ARHGAP42: variants seen among roughly 807,000 people sequenced by gnomAD.
The protein encoded by ARHGAP42 is Rho GTPase activating protein 42.
ARHGAP42 carries 63 observed loss-of-function variants against 125.0 expected under a neutral mutation model. That is an observed-to-expected ratio of 0.50 (90% CI 0.41 to 0.62). The LOEUF (loss-of-function observed/expected upper bound fraction) is 0.62. ARHGAP42 is among the 20% of genes least tolerant of loss of function. The pLI is 0.00. For missense variants in ARHGAP42, 766 were observed against 1,024.2 expected, an observed-to-expected ratio of 0.75 and a Z score of 3.44; for synonymous variants, 339 against 351.0, an observed-to-expected ratio of 0.97 and a Z score of 0.38.
At chr11:100,833,218 A>G (rs11224479) in intron 3 of ARHGAP42, among the ~76,000 whole-genome samples, 46,996 of 152,094 alleles carry the variant, frequency 0.31, 7,493 homozygotes, top group Non-Finnish European at 0.34. Flanking sequence ...AATAGGACCA[A>G]TTTGTTGCCT....
At chr11:100,936,045 C>A (rs1026646356) in intron 7 of ARHGAP42, among the ~76,000 whole-genome samples, 158 bp from the exon 8 acceptor site, 1 of 151,996 alleles carries the variant, frequency 6.6e-6, no homozygotes, top group African/African-American at 2.4e-5. Flanking sequence ...ATCACTTGTG[C>A]CCTGGAGGTC....
chr11:100,872,832 T>C (rs558299734), intron 4 of ARHGAP42, among the ~76,000 whole-genome samples: 46 of 152,318 alleles, frequency 3.0e-4, no homozygotes, highest in African/African-American at 1.0e-3. Context: ...TTCAATGGTG[T>C]TGATCTGTTT....
chr11:100,856,171 A>G (rs1246043695), intron 3 of ARHGAP42, among the ~76,000 whole-genome samples: 1 of 152,086 alleles, frequency 6.6e-6, no homozygotes, highest in Non-Finnish European at 1.5e-5. Context: ...AGAGTTCCAT[A>G]TGAGCAAAAA....
At chr11:100,800,896 G>A (rs1272212190) in intron 3 of ARHGAP42, among the ~76,000 whole-genome samples, 5 of 152,110 alleles carry the variant, frequency 3.3e-5, no homozygotes, top group Admixed American at 1.3e-4. Flanking sequence ...AGTCACATAA[G>A]TTAACACTTC....
At chr11:100,703,583 G>A (rs1458984723) in intron 1 of ARHGAP42, among the ~76,000 whole-genome samples, 4 of 152,110 alleles carry the variant, frequency 2.6e-5, no homozygotes, top group African/African-American at 9.7e-5. Context: ...CTGCTTAATA[G>A]GAAATGATTA....
chr11:100,853,801 C>A (rs1272860997), intron 3 of ARHGAP42, among the ~76,000 whole-genome samples: 2 of 151,824 alleles, frequency 1.3e-5, no homozygotes, highest in African/African-American at 4.8e-5. Context: ...GGATTGCTTG[C>A]CATTTTACCC....
chr11:100,800,912 T>C (rs1317014311), intron 3 of ARHGAP42, among the ~76,000 whole-genome samples: 2 of 152,226 alleles, frequency 1.3e-5, no homozygotes, highest in African/African-American at 4.8e-5. Flanking sequence ...ACTTCAGTCA[T>C]ATGATGTTAT....
intron 3 of ARHGAP42, among the ~76,000 whole-genome samples, chr11:100,821,730 T>A (rs1864410135): frequency 2.0e-5 from 3 of 152,284 alleles, no homozygotes; most frequent in South Asian, 4.1e-4. Flanking sequence ...TTCACTATCT[T>A]TTCTGCTTTG....
chr11:100,717,923 T>TTAA (rs58895541), intron 1 of ARHGAP42, among the ~76,000 whole-genome samples: 1 of 140,910 alleles, frequency 7.1e-6, no homozygotes, highest in Admixed American at 7.2e-5. Context: ...GACTCTGCCT[T>TTAA]AAAAAAAAAA....
At chr11:100,885,537 A>G (rs1269908115) in intron 4 of ARHGAP42, among the ~76,000 whole-genome samples, 4 of 152,096 alleles carry the variant, frequency 2.6e-5, no homozygotes, top group Non-Finnish European at 5.9e-5. Context: ...AAAACCAATT[A>G]TTTGCTTTTG....
rs140401845 is a variant in ARHGAP42 at position 100,967,119 on chromosome 11, C to G, written c.1550+1343C>G. ...CAAATTTACTTATAAAAACAGCAAACAGCTAATAACACTCTTGATCCCTGG... is the reference window on the plus strand; with the variant it reads ...CAAATTTACTTATAAAAACAGCAAAGAGCTAATAACACTCTTGATCCCTGG... On this transcript the variant is annotated intron_variant, in intron 17 of 23. Coordinates refer to ENST00000298815, the MANE Select transcript of ARHGAP42 (RefSeq NM_152432.4). Among the ~76,000 whole-genome samples the G allele has an allele frequency of 5.3e-3, 808 of 152,258 alleles. 4 individuals carry two copies. The highest frequency in any genetic ancestry group is 0.018 in the African/African-American group (744 of 41,556).
At chr11:100,720,071 TTAGATTATAGGC>T (rs1861734402) in intron 1 of ARHGAP42, among the ~76,000 whole-genome samples, 1 of 152,198 alleles carries the variant, frequency 6.6e-6, no homozygotes, top group African/African-American at 2.4e-5. Context: ...GATCACTAGG[TTAGATTATAGGC>T]TAGATAATTA....
intron 1 of ARHGAP42, among the ~76,000 whole-genome samples, chr11:100,717,379 T>C (rs1000898023): frequency 6.6e-6 from 1 of 152,170 alleles, no homozygotes; most frequent in Admixed American, 6.5e-5. Context: ...GGCTCATGCC[T>C]GTAATCCCAG....
intron 12 of ARHGAP42, among the ~76,000 whole-genome samples, chr11:100,953,962 C>T (rs1044087640): frequency 6.6e-6 from 1 of 151,166 alleles, no homozygotes; most frequent in Admixed American, 6.6e-5. Flanking sequence ...AGTAGCTCAC[C>T]CATATGTTTT....
intron 10 of ARHGAP42, 76 bp from the exon 11 acceptor site, chr11:100,948,377 TCAAA>T: frequency 9.3e-7 from 1 of 1,072,780 alleles, no homozygotes; most frequent in South Asian, 2.2e-5. Context: ...CTTTTTTTCT[TCAAA>T]TTTTATCTTT....
At chr11:100,709,811 A>G (rs1463854520) in intron 1 of ARHGAP42, among the ~76,000 whole-genome samples, 1 of 152,256 alleles carries the variant, frequency 6.6e-6, no homozygotes, top group East Asian at 1.9e-4. Context: ...AAACATCTGC[A>G]GTTTGCTGCA....
chr11:100,745,994 C>T (rs1862295303), intron 1 of ARHGAP42, among the ~76,000 whole-genome samples: 1 of 152,180 alleles, frequency 6.6e-6, no homozygotes, highest in Non-Finnish European at 1.5e-5. Context: ...CCATAAGGGG[C>T]TTCTTTTGCT....
chr11:100,865,836 C>A (rs1025203645), intron 4 of ARHGAP42, among the ~76,000 whole-genome samples: 7 of 152,036 alleles, frequency 4.6e-5, no homozygotes, highest in Non-Finnish European at 1.0e-4. Context: ...AAGGATCTTG[C>A]CTCGATGTTG....
Position 100,933,218 on chromosome 11 carries a change from A to G in ARHGAP42, c.660A>G (p.Glu220=). 1 of 1,550,944 alleles carries G rather than the reference A, an allele frequency of 6.4e-7. No individual in the cohort carries two copies. Among genetic ancestry groups the G allele is most frequent in the Non-Finnish European group, 8.7e-7 (1 of 1,146,772 alleles). Reference sequence around the variant, plus strand: ...ATGAGGGATATGAACTTGCCCAGGAATTTGCACCGTATAAGCAACAGCTGC... The same window carrying G: ...ATGAGGGATATGAACTTGCCCAGGAGTTTGCACCGTATAAGCAACAGCTGC... ...FYHEGYELAQ[E]FAPYKQQLQF... The change falls in exon 7 of 24, where the codon GAA becomes GAG. Residue 220 remains glutamate, a synonymous_variant. Transcript: ENST00000298815.
Sources: gnomAD v4.1 joint callset for allele counts (sites outside exome capture counted in the v4.1 genomes callset) on GRCh38, gnomAD v4.1.1 for gene constraint, MANE v1.5 for transcripts, NCBI Gene and HGNC (gene_info 2026-07-23, HGNC 2026-07-21) for gene names.